Variants in NID2 observed in about 807,000 individuals in gnomAD.
NID2 encodes the protein nidogen 2.
In NID2, 83 loss-of-function variants were observed where a neutral mutation model predicts 145.4. The ratio of observed to expected loss-of-function variants is 0.57; its 90% CI spans 0.48 to 0.69. NID2 has a LOEUF of 0.69. NID2 is among the 30% of genes least tolerant of loss of function. The pLI is 0.00. For synonymous variants in NID2, 739 were observed against 701.3 expected (o/e 1.05, Z -0.85); for missense variants, 1,807 against 1,765.7 (o/e 1.02, Z -0.42).
chr14:52,037,879 C>T (rs1381434325), intron 9 of NID2, among the ~76,000 whole-genome samples: 2 of 152,132 alleles, frequency 1.3e-5, no homozygotes, highest in Non-Finnish European at 2.9e-5. Context: ...AAAAATTTAT[C>T]TCTTTTTGAA....
chr14:52,031,890 T>TG (rs1287347981), intron 9 of NID2, among the ~76,000 whole-genome samples: 2 of 152,230 alleles, frequency 1.3e-5, no homozygotes, highest in African/African-American at 2.4e-5. Context: ...CTCAGGAACC[T>TG]GGTCTATACT....
intron 11 of NID2, among the ~76,000 whole-genome samples, chr14:52,027,573 A>C (rs1395170210): frequency 1.4e-5 from 2 of 143,384 alleles, no homozygotes; most frequent in Non-Finnish European, 3.1e-5. Context: ...AATACTAAGC[A>C]CAAAAACCCA....
At chr14:52,006,005 T>C (rs1234466629) in intron 20 of NID2, 156 bp from the exon 21 acceptor site, 2 of 623,072 alleles carry the variant, frequency 3.2e-6, no homozygotes, top group Non-Finnish European at 5.8e-6. Context: ...TGAAGACCAT[T>C]GCTCTAAATC....
At chr14:52,006,481 T>C (rs1890787842) in intron 20 of NID2, 56 bp downstream of exon 20, 1 of 1,603,768 alleles carries the variant, frequency 6.2e-7, no homozygotes, top group African/African-American at 1.3e-5. Context: ...AAACAAGTGG[T>C]GTGTCCTCTG....
At chr14:52,065,967 G>C (rs1203599270) in intron 2 of NID2, among the ~76,000 whole-genome samples, 1 of 149,756 alleles carries the variant, frequency 6.7e-6, no homozygotes, top group African/African-American at 2.5e-5. Flanking sequence ...ATAAACATAC[G>C]TGTGCATGTG....
intron 8 of NID2, among the ~76,000 whole-genome samples, chr14:52,039,887 TC>T (rs1892212900): frequency 6.6e-6 from 1 of 152,366 alleles, no homozygotes; most frequent in African/African-American, 2.4e-5. Context: ...TAAATTCTTA[TC>T]TTTTGACTCC....
chr14:52,046,771 C>T (rs1182807291), intron 5 of NID2, among the ~76,000 whole-genome samples: 1 of 152,102 alleles, frequency 6.6e-6, no homozygotes, highest in African/African-American at 2.4e-5. Context: ...TTAAGCTAAC[C>T]TGGGAGTCTT....
intron 5 of NID2, among the ~76,000 whole-genome samples, chr14:52,044,464 G>T (rs1242527360): frequency 6.6e-6 from 1 of 151,934 alleles, no homozygotes; most frequent in Non-Finnish European, 1.5e-5. Flanking sequence ...TAGAGACAGG[G>T]TTTCACCATG....
At chr14:52,012,621 T>C (rs1048961472) in intron 16 of NID2, among the ~76,000 whole-genome samples, 13 of 152,182 alleles carry the variant, frequency 8.5e-5, no homozygotes, top group Non-Finnish European at 1.8e-4. Context: ...AAAATCTAAT[T>C]TATTGGGTTA....
In NID2 at chr14:52,054,064, A is replaced by T. The variant is rs74581978; in HGVS notation, c.1025T>A (p.Ile342Asn). The change falls in exon 4 of 22, where the codon ATT (isoleucine) becomes AAT (asparagine). Residue 342 changes from isoleucine to asparagine, a missense_variant. Ile to Asn is a moderately radical substitution (Grantham distance 149). Transcript: ENST00000216286. ...CACTTTGGATTGGAAGGAAACATCA[A>T]TGCTGCTGTGGCCATTCAATGCCTC... The part of the protein sequence containing the change: ...PEEALNGHSS[I>N]DVSFQSKVDT... 310 of 1,614,172 alleles carry T rather than the reference A, an allele frequency of 1.9e-4. 1 individual carries two copies. The East Asian group carries it at 6.3e-3, about 33-fold the overall frequency.
At chr14:52,031,079 C>G (rs575592414) in intron 9 of NID2, among the ~76,000 whole-genome samples, 1 of 152,268 alleles carries the variant, frequency 6.6e-6, no homozygotes, top group Non-Finnish European at 1.5e-5. Context: ...CAGTCTGGTT[C>G]CATAGCTCAT....
chr14:52,054,376 C>G, intron 3 of NID2, 55 bp from the exon 4 acceptor site: 1 of 1,528,472 alleles, frequency 6.5e-7, no homozygotes, highest in African/African-American at 1.4e-5. Context: ...GTCCATTCAC[C>G]CACCTTCCTA....
At chr14:52,008,040 AGT>A (rs1890860041) in intron 18 of NID2, 73 bp from the exon 19 acceptor site, 10 of 1,223,604 alleles carry the variant, frequency 8.2e-6, no homozygotes, top group Admixed American at 7.0e-5. Context: ...AGCAGCCCCC[AGT>A]GATCTCCATC....
At chr14:52,010,787 G>A (rs555919141) in intron 18 of NID2, 89 bp downstream of exon 18, 3 of 1,334,604 alleles carry the variant, frequency 2.2e-6, no homozygotes, top group African/African-American at 2.9e-5. Context: ...TCACTCTCTT[G>A]TTCTGACCTT....
At chr14:52,054,893 C>G (rs1264494200) in intron 3 of NID2, among the ~76,000 whole-genome samples, 1 of 152,174 alleles carries the variant, frequency 6.6e-6, no homozygotes, top group African/African-American at 2.4e-5. Context: ...ATCAAATTAT[C>G]AATCTGCCCC....
At chr14:52,017,114 T>A (rs577914665) in intron 14 of NID2, among the ~76,000 whole-genome samples, 1 of 152,284 alleles carries the variant, frequency 6.6e-6, no homozygotes, top group African/African-American at 2.4e-5. Context: ...AAGTTCCCAA[T>A]TCCACCCCTG....
chr14:52,065,594 G>A (rs865928982), intron 2 of NID2, among the ~76,000 whole-genome samples: 3 of 124,684 alleles, frequency 2.4e-5, no homozygotes, highest in East Asian at 5.0e-4. Context: ...ATGCTGGTGC[G>A]CTGCACCCAC....
chr14:52,019,302 G>A lies in NID2; in HGVS notation c.2795-8C>T. On this transcript the variant is annotated splice_polypyrimidine_tract_variant and splice_region_variant and intron_variant, in intron 13 of 21. Coordinates refer to ENST00000216286, the MANE Select transcript of NID2 (RefSeq NM_007361.4). ...TCAGGCTTGAGGTGGAGTCTTCCAG[G>A]ATCAAGGCAGAGGAAGACACAAAAG... 2 of 1,568,808 alleles carry A rather than the reference G, an allele frequency of 1.3e-6. No individual in the cohort carries two copies. Among genetic ancestry groups the A allele is most frequent in the South Asian group, 2.3e-5 (2 of 86,286 alleles).
At chr14:52,046,981 A>G (rs1406015664) in intron 5 of NID2, among the ~76,000 whole-genome samples, 1 of 152,226 alleles carries the variant, frequency 6.6e-6, no homozygotes, top group Non-Finnish European at 1.5e-5. Flanking sequence ...AGGTTTGCAC[A>G]CTTACCATTT....
Sources: gnomAD v4.1 joint callset for allele counts (sites outside exome capture counted in the v4.1 genomes callset) on GRCh38, gnomAD v4.1.1 for gene constraint, MANE v1.5 for transcripts, NCBI Gene and HGNC (gene_info 2026-07-23, HGNC 2026-07-21) for gene names.